The following RAB21 variants were observed in gnomAD, a reference collection of about 807,000 sequenced individuals.
RAB21 encodes RAB21, member RAS oncogene family.
RAB21 carries 13 observed loss-of-function variants against 33.1 expected under a neutral mutation model. The ratio of observed to expected loss-of-function variants is 0.39; its 90% confidence interval spans 0.26 to 0.62. The LOEUF (loss-of-function observed/expected upper bound fraction) is 0.62, where lower values mean the gene tolerates loss of function less well. Among genes scored for constraint, RAB21 ranks in the 20% least tolerant of loss-of-function variants. The pLI, the probability that RAB21 is intolerant of heterozygous loss-of-function variation, is 0.48. For synonymous variants in RAB21, 91 were observed against 103.7 expected (o/e 0.88, Z 0.74); for missense variants, 234 against 279.1 (o/e 0.84, Z 1.15).
chr12:71,785,508 T>C (rs1883270966), intron 6 of RAB21, 23 bp from the exon 7 acceptor site: 1 of 1,611,892 alleles, frequency 6.2e-7, no homozygotes, highest in East Asian at 2.2e-5. Flanking sequence ...GTCCTAATAA[T>C]GTTTGCTTTC....
rs1246747986 is a variant in RAB21 at position 71,782,080 on chromosome 12, A to G, written c.441A>G (p.Ala147=). 3.1e-6 allele frequency: 5 copies of G among 1,608,180 alleles called. No individual in the cohort carries two copies. The highest frequency in any genetic ancestry group is 4.3e-6 in the Non-Finnish European group (5 of 1,174,984). ...AGAGACATGTTTCCATTCAAGAAGC[A>G]GAGTCGTAAGTACTGTGACCCTCCC... is the stretch of plus-strand genomic sequence containing the variant. ...EKERHVSIQE[A]ESYAESVGAK... Residue 147 remains alanine (A), a synonymous_variant, in exon 5 of 7, where the codon GCA becomes GCG. Coordinates refer to ENST00000261263, the MANE Select transcript of RAB21 (RefSeq NM_014999.4).
At chr12:71,774,180 C>T (rs1041141823) in intron 4 of RAB21, 158 bp downstream of exon 4, 6 of 419,160 alleles carry the variant, frequency 1.4e-5, no homozygotes, top group Non-Finnish European at 1.6e-5. Flanking sequence ...GGTGCAGTGG[C>T]TCATGCCTGT....
At chr12:71,782,762 CT>C in intron 6 of RAB21, 104 bp downstream of exon 6, 1 of 717,444 alleles carries the variant, frequency 1.4e-6, no homozygotes, top group Non-Finnish European at 2.2e-6. Flanking sequence ...AGAATTGGTT[CT>C]TTTTAAACTA....
At chr12:71,770,750 G>A in intron 3 of RAB21, 51 bp downstream of exon 3, 1 of 1,234,618 alleles carries the variant, frequency 8.1e-7, no homozygotes, top group Non-Finnish European at 1.2e-6. Flanking sequence ...AATTTTTCAA[G>A]TTTCCATTAA....
Position 71,792,471 on chromosome 12 carries a change from T to C in RAB21, c.*6798T>C, listed in dbSNP as rs1341146998. On this transcript the variant is annotated 3_prime_UTR_variant, in exon 7 of 7. Coordinates refer to ENST00000261263, the MANE Select transcript of RAB21 (RefSeq NM_014999.4). Reference sequence around the variant, plus strand: ...GTGTCCAACAATTTATAGGAGCTTCTCTGCACTGTCAAGACTATAGCTTAG... The same window carrying C: ...GTGTCCAACAATTTATAGGAGCTTCCCTGCACTGTCAAGACTATAGCTTAG... 1 of 152,212 alleles carries C rather than the reference T, an allele frequency of 6.6e-6. No homozygotes were observed. Among genetic ancestry groups the C allele is most frequent in the African/African-American group, 2.4e-5 (1 of 41,454 alleles). 9.4% of individuals were successfully genotyped at this position (152,212 alleles called of 1,614,324 possible).
intron 3 of RAB21, among the ~76,000 whole-genome samples, chr12:71,772,850 TGTG>T (rs1385878039): frequency 2.0e-5 from 3 of 152,280 alleles, no homozygotes; most frequent in East Asian, 1.9e-4. Context: ...ATAAAGATAA[TGTG>T]GTGATGATAA....
intron 6 of RAB21, 27 bp downstream of exon 6, chr12:71,782,685 T>C (rs1883219872): frequency 6.8e-7 from 1 of 1,468,924 alleles, no homozygotes; most frequent in East Asian, 2.3e-5. Flanking sequence ...TTAGTTTGTT[T>C]AGAAATGGTT....
At chr12:71,781,341 C>T (rs1883196905) in intron 4 of RAB21, among the ~76,000 whole-genome samples, 1 of 140,628 alleles carries the variant, frequency 7.1e-6, no homozygotes. Flanking sequence ...TGGTGGCAGG[C>T]ACCTGTAGTC....
intron 1 of RAB21, among the ~76,000 whole-genome samples, chr12:71,761,614 G>A (rs1592642790): frequency 6.6e-6 from 1 of 152,132 alleles, no homozygotes; most frequent in Non-Finnish European, 1.5e-5. Context: ...GGAGACAGAG[G>A]TTGCAGTGAG....
intron 1 of RAB21, among the ~76,000 whole-genome samples, chr12:71,759,671 T>A (rs1882841524): frequency 6.6e-6 from 1 of 152,244 alleles, no homozygotes; most frequent in Non-Finnish European, 1.5e-5. Context: ...CAGTTCTCCT[T>A]TTTGCCCAAG....
intron 4 of RAB21, among the ~76,000 whole-genome samples, chr12:71,776,953 C>T (rs1883129170): frequency 6.6e-6 from 1 of 152,120 alleles, no homozygotes; most frequent in African/African-American, 2.4e-5. Flanking sequence ...ATTTAGTGTA[C>T]ATACACGCTG....
At position 71,797,455 on chromosome 12, in the gene RAB21, C is replaced by G. The variant is rs1028051174; in HGVS notation, c.*11782C>G. 10 of 151,766 alleles carry G rather than the reference C, an allele frequency of 6.6e-5. No homozygotes were observed. The highest frequency in any genetic ancestry group is 1.3e-4 in the Non-Finnish European group (9 of 67,946). 9.4% of individuals were successfully genotyped at this position (151,766 alleles called of 1,614,324 possible). On this transcript the variant is annotated 3_prime_UTR_variant, in exon 7 of 7. Coordinates refer to ENST00000261263, the MANE Select transcript of RAB21 (RefSeq NM_014999.4). ...TATATGCGTGACCACAAAACCAAAACTTTGTATTTCACATGAAAATAAATT... is the reference window on the plus strand; with the variant it reads ...TATATGCGTGACCACAAAACCAAAAGTTTGTATTTCACATGAAAATAAATT...
intron 1 of RAB21, among the ~76,000 whole-genome samples, chr12:71,766,770 A>G (rs1361428697): frequency 6.6e-6 from 1 of 152,128 alleles, no homozygotes; most frequent in Non-Finnish European, 1.5e-5. Context: ...CAGATAGAGA[A>G]CAGAGAATAG....
chr12:71,769,718 G>GA, intron 1 of RAB21, 82 bp from the exon 2 acceptor site: 1 of 620,978 alleles, frequency 1.6e-6, no homozygotes, highest in South Asian at 3.4e-5. Flanking sequence ...TTTACATTGA[G>GA]ATGATTCATT....
In RAB21 at chr12:71,791,229, C is replaced by G. The variant is rs1883378075; in HGVS notation, c.*5556C>G. On this transcript the variant is annotated 3_prime_UTR_variant, in exon 7 of 7. Transcript: ENST00000261263. ...CTGGTCTTGAACTCCTGGCCTCAAC[C>G]ATTCCTCCCACTTCAGCCTCCCAAA... The G allele has an allele frequency of 6.5e-6, 1 of 152,840 alleles. No individual in the cohort carries two copies. 9.5% of individuals were successfully genotyped at this position (152,840 alleles called of 1,614,324 possible). A position where few individuals can be genotyped will look rare whatever the true frequency, so the allele number is the denominator to read the frequency against.
chr12:71,782,982 C>G (rs1883223807), intron 6 of RAB21, among the ~76,000 whole-genome samples: 2 of 151,896 alleles, frequency 1.3e-5, no homozygotes, highest in South Asian at 4.1e-4. Flanking sequence ...CAACCTCTTG[C>G]AATGAATGGA....
intron 1 of RAB21, among the ~76,000 whole-genome samples, chr12:71,757,389 G>T (rs185269709): frequency 9.7e-4 from 147 of 152,052 alleles, no homozygotes; most frequent in Non-Finnish European, 8.1e-4. Context: ...GGATTACAGG[G>T]GTGAGCCACT....
At chr12:71,782,720 A>T in intron 6 of RAB21, 62 bp downstream of exon 6, 4 of 1,176,596 alleles carry the variant, frequency 3.4e-6, no homozygotes, top group Non-Finnish European at 1.2e-6. Context: ...TTTAAAAAAT[A>T]GTATGTATTT....
At position 71,786,440 on chromosome 12, in the gene RAB21, A is replaced by G. The variant is rs1379045968; in HGVS notation, c.*767A>G. 1 of 152,632 alleles carries G rather than the reference A, an allele frequency of 6.6e-6. No individual in the cohort carries two copies. Among genetic ancestry groups the G allele is most frequent in the African/African-American group, 2.4e-5 (1 of 41,456 alleles). 9.5% of individuals were successfully genotyped at this position (152,632 alleles called of 1,614,324 possible). A position where few individuals can be genotyped will look rare whatever the true frequency, so the allele number is the denominator to read the frequency against. On this transcript the variant is annotated 3_prime_UTR_variant, in exon 7 of 7. Coordinates refer to ENST00000261263, the MANE Select transcript of RAB21 (RefSeq NM_014999.4). ...CAAACTGTTTTTGTTTTTAATTAGC[A>G]GATATCTGAAGTACTATTTTTGCAG...
Sources: gnomAD v4.1 joint callset for allele counts (sites outside exome capture counted in the v4.1 genomes callset) on GRCh38, gnomAD v4.1.1 for gene constraint, MANE v1.5 for transcripts, NCBI Gene and HGNC (gene_info 2026-07-23, HGNC 2026-07-21) for gene names.